MTFR2: variants seen among roughly 807,000 people sequenced by gnomAD.
MTFR2 encodes the protein mitochondrial fission regulator 2.
In MTFR2, 44 loss-of-function variants were observed where a neutral mutation model predicts 41.2. The ratio of observed to expected loss-of-function variants is 1.07; its 90% CI spans 0.84 to 1.37. The LOEUF (loss-of-function observed/expected upper bound fraction) is 1.37, where lower values mean the gene tolerates loss of function less well. Among genes scored for constraint, MTFR2 ranks in the 40% most tolerant of loss-of-function variants. The pLI is 0.00. For synonymous variants in MTFR2, 141 were observed against 154.6 expected (o/e 0.91, Z 0.65); for missense variants, 452 against 459.5 (o/e 0.98, Z 0.15).
intron 5 of MTFR2, among the ~76,000 whole-genome samples, 188 bp downstream of exon 5, chr6:136,241,256 A>T (rs1203600388): frequency 6.6e-6 from 1 of 152,170 alleles, no homozygotes. Flanking sequence ...AATTTTGTAT[A>T]TTCAACATCC....
intron 3 of MTFR2, among the ~76,000 whole-genome samples, chr6:136,243,696 G>A (rs970725604): frequency 4.0e-5 from 6 of 148,174 alleles, no homozygotes; most frequent in Non-Finnish European, 8.8e-5. Flanking sequence ...CAGCCTGGGC[G>A]ACAGCAAGAC....
At chr6:136,240,855 G>T (rs1158381342) in intron 5 of MTFR2, among the ~76,000 whole-genome samples, 2 of 152,176 alleles carry the variant, frequency 1.3e-5, no homozygotes, top group Non-Finnish European at 2.9e-5. Context: ...ACTTTGGGAG[G>T]CCAAGGCGGG....
intron 7 of MTFR2, among the ~76,000 whole-genome samples, chr6:136,232,690 T>C (rs1779795129): frequency 6.6e-6 from 1 of 152,188 alleles, no homozygotes. Flanking sequence ...CTTATTCTTA[T>C]GTGTTAATAC....
intron 6 of MTFR2, among the ~76,000 whole-genome samples, chr6:136,234,175 T>C (rs947046085): frequency 6.6e-6 from 1 of 150,604 alleles, no homozygotes; most frequent in Non-Finnish European, 1.5e-5. Context: ...CTAGAAAAAA[T>C]TTAAAAATTA....
rs201879955 is a variant in MTFR2, at chr6:136,246,789, G to GA, written c.64-1921dup. Reference sequence around the variant, plus strand: ...CACTACTGTAATTACTCTTAGCTAGGAAAAAAAAATCACAAAACGACAATA... The same window carrying GA: ...CACTACTGTAATTACTCTTAGCTAGGAAAAAAAAAATCACAAAACGACAATA... On this transcript the variant is annotated intron_variant, in intron 2 of 7. Coordinates refer to ENST00000420702, the MANE Select transcript of MTFR2 (RefSeq NM_001099286.3). 4.2e-3 allele frequency among the ~76,000 whole-genome samples: 634 copies of GA among 151,068 alleles called. 1 individual carries two copies. Among genetic ancestry groups the GA allele is most frequent in the African/African-American group, 0.013 (554 of 41,240 alleles).
rs752118648 is a variant in MTFR2 at position 136,241,685 on chromosome 6, G to GA, written c.282-10dup. 84 of 1,573,430 alleles carry GA rather than the reference G, an allele frequency of 5.3e-5. No homozygotes were observed. The highest frequency in any genetic ancestry group is 7.4e-5 in the Admixed American group (4 of 53,830). On this transcript the variant is annotated splice_polypyrimidine_tract_variant and intron_variant, in intron 4 of 7. Transcript: ENST00000420702. ...TTTTCCATATACTATTTCTGTGGGT[G>GA]AAAAAAAATAGGAAATGGAGGGAAG...
At chr6:136,243,114 G>C (rs1251769422) in intron 3 of MTFR2, 141 bp from the exon 4 acceptor site, 24 of 508,784 alleles carry the variant, frequency 4.7e-5, no homozygotes, top group Non-Finnish European at 8.0e-5. Context: ...GTACCTGTTA[G>C]CACGAAAGAA....
intron 6 of MTFR2, among the ~76,000 whole-genome samples, chr6:136,234,922 G>A (rs927369077): frequency 1.3e-5 from 2 of 152,192 alleles, no homozygotes; most frequent in African/African-American, 4.8e-5. Flanking sequence ...TTTTGAGACG[G>A]AGTCTCGCTT....
chr6:136,237,982 T>C (rs886675168), intron 6 of MTFR2, among the ~76,000 whole-genome samples: 1 of 152,104 alleles, frequency 6.6e-6, no homozygotes, highest in African/African-American at 2.4e-5. Flanking sequence ...AGGAAATCCT[T>C]CAGGCACAGA....
Position 136,249,077 on chromosome 6 carries a change from A to C in MTFR2, c.23T>G (p.Leu8Ter), listed in dbSNP as rs753108494. The C allele has an allele frequency of 3.8e-6, 6 of 1,597,460 alleles. No homozygotes were observed. Among genetic ancestry groups the C allele is most frequent in the Non-Finnish European group, 5.1e-6 (6 of 1,175,882 alleles). ...GCCAAAATATTCCAGCATCTCTCTT[A>C]AGATATTCAGTATGAGAGACATTGA... MSLILNI[L>*]REMLEYFGVP... Residue 8 changes from leucine (L) to a stop codon, truncating the protein, a stop_gained, in exon 2 of 8, where the codon TTA becomes TGA. Coordinates refer to ENST00000420702, the MANE Select transcript of MTFR2 (RefSeq NM_001099286.3). LOFTEE classifies it high-confidence loss of function.
At chr6:136,243,714 TAA>T (rs71661846) in intron 3 of MTFR2, among the ~76,000 whole-genome samples, 39 of 135,622 alleles carry the variant, frequency 2.9e-4, no homozygotes, top group Admixed American at 5.2e-4. Context: ...GACCTTATCT[TAA>T]AAAAAAAAAA....
Position 136,239,543 on chromosome 6 carries a change from G to A in MTFR2, c.792C>T (p.Ser264=). 6.2e-7 allele frequency: 1 copy of A among 1,613,992 alleles called. No individual in the cohort carries two copies. Among genetic ancestry groups the A allele is most frequent in the Non-Finnish European group, 8.5e-7 (1 of 1,179,976 alleles). The change falls in exon 6 of 8, where the codon AGC becomes AGT. Residue 264 remains serine, a synonymous_variant. Transcript: ENST00000420702. Reference sequence around the variant, plus strand: ...TGTTTGGAATATCTTTATTTCTCTGGCTTTTTGAATGATGACTATAATTGG... The same window carrying A: ...TGTTTGGAATATCTTTATTTCTCTGACTTTTTGAATGATGACTATAATTGG... ...NKTNYSHHSK[S]QRNKDIPNML...
rs148635778 is a variant in MTFR2 at position 136,238,626 on chromosome 6, T to C, written c.869+840A>G. ...TACAACATTGTGCTTAACGATACTG[T>C]ATTATACACATAAAAATTTGTTAAC... On this transcript the variant is annotated intron_variant, in intron 6 of 7. Transcript: ENST00000420702. Among the ~76,000 whole-genome samples, 664 of 152,172 alleles carry C rather than the reference T, an allele frequency of 4.4e-3. 4 individuals are homozygous for C. The highest frequency in any genetic ancestry group is 7.5e-3 in the Non-Finnish European group (512 of 68,008).
At chr6:136,245,412 C>T (rs1780189003) in intron 2 of MTFR2, among the ~76,000 whole-genome samples, 1 of 152,134 alleles carries the variant, frequency 6.6e-6, no homozygotes, top group African/African-American at 2.4e-5. Context: ...CTTGAAAAGG[C>T]ATTAGAAGTA....
chr6:136,244,826 C>T lies in MTFR2; in HGVS notation c.107G>A (p.Ser36Asn). ...WENKDYGSTR[S>N]IVRIIGKMLP... ...CATTTTCCCAATAATACGAACAATA[C>T]TCCTAGTTGATCCATAGTCTTTATT... Residue 36 changes from serine to asparagine, a missense_variant, in exon 3 of 8, where the codon AGT (serine) becomes AAT (asparagine). Transcript: ENST00000420702. The T allele has an allele frequency of 1.9e-6, 3 of 1,612,496 alleles. No individual in the cohort carries two copies. The highest frequency in any genetic ancestry group is 2.5e-6 in the Non-Finnish European group (3 of 1,179,590).
intron 3 of MTFR2, 64 bp from the exon 4 acceptor site, chr6:136,243,037 C>A: frequency 9.8e-7 from 1 of 1,020,706 alleles, no homozygotes; most frequent in Admixed American, 2.6e-5. Flanking sequence ...ACACATGCCC[C>A]ATGGTATTAA....
At chr6:136,233,674 T>G (rs1276031013) in intron 6 of MTFR2, among the ~76,000 whole-genome samples, 175 bp from the exon 7 acceptor site, 1 of 152,132 alleles carries the variant, frequency 6.6e-6, no homozygotes, top group Non-Finnish European at 1.5e-5. Flanking sequence ...GCACAATGAA[T>G]GAAGAATCAG....
intron 6 of MTFR2, among the ~76,000 whole-genome samples, chr6:136,235,375 A>T (rs186582898): frequency 1.0e-3 from 154 of 150,726 alleles, no homozygotes; most frequent in African/African-American, 3.6e-3. Context: ...GCATTTCAGT[A>T]TGTGCATCTG....
intron 6 of MTFR2, among the ~76,000 whole-genome samples, chr6:136,237,073 C>T (rs1779926185): frequency 6.6e-6 from 1 of 152,180 alleles, no homozygotes; most frequent in Non-Finnish European, 1.5e-5. Flanking sequence ...CCCCACTCAG[C>T]TCTCCAATGA....
Sources: gnomAD v4.1 joint callset for allele counts (sites outside exome capture counted in the v4.1 genomes callset) on GRCh38, gnomAD v4.1.1 for gene constraint, MANE v1.5 for transcripts, NCBI Gene and HGNC (gene_info 2026-07-23, HGNC 2026-07-21) for gene names.